The following SYT15 variants were observed in gnomAD, a reference collection of about 807,000 sequenced individuals.
The protein encoded by SYT15 is synaptotagmin-15.
SYT15 carries 4 observed loss-of-function variants against 30.1 expected under a neutral mutation model. The ratio of observed to expected loss-of-function variants is 0.13; its 90% CI spans 0.07 to 0.30. The LOEUF is 0.30. Ranked by LOEUF, SYT15 falls within the 10% of genes least tolerant of loss-of-function variation. SYT15 has a pLI of 1.00. For missense variants in SYT15, 49 were observed against 371.7 expected, an observed-to-expected ratio of 0.13 and a Z score of 7.14; for synonymous variants, 19 against 166.3, an observed-to-expected ratio of 0.11 and a Z score of 6.82.
At chr10:46,581,168 T>C (rs1200991204) in intron 3 of SYT15, 132 bp downstream of exon 3, 1 of 577,346 alleles carries the variant, frequency 1.7e-6, no homozygotes, top group Non-Finnish European at 2.9e-6. Flanking sequence ...GACCACTCTT[T>C]CTGGGTGCTT....
chr10:46,597,087 A>G (rs1304384746), downstream of SYT15, among the ~76,000 whole-genome samples: 1 of 142,190 alleles, frequency 7.0e-6, no homozygotes, highest in Non-Finnish European at 1.5e-5. Context: ...CAAGAATAAA[A>G]TAGTTTGCTG....
downstream of SYT15, among the ~76,000 whole-genome samples, chr10:46,595,740 C>T (rs560409630): frequency 4.6e-4 from 60 of 130,382 alleles, no homozygotes; most frequent in African/African-American, 1.8e-3. Flanking sequence ...GTGTGAGCCA[C>T]TGCGCTGGGC....
In SYT15 at chr10:46,590,581, A is replaced by T. The variant is rs1845367961; in HGVS notation, c.*2934A>T. 7.7e-6 allele frequency: 1 copy of T among 129,302 alleles called. No homozygotes were observed. The highest frequency in any genetic ancestry group is 3.1e-5 in the African/African-American group (1 of 32,112). 8.0% of individuals were successfully genotyped at this position (129,302 alleles called of 1,614,324 possible). The stretch of plus-strand genomic sequence containing the variant: ...CTAATAAGTTTGGCAAGGTTGCAAG[A>T]TATAAAATTGGTATACAAATTGCAG... On this transcript the variant is annotated 3_prime_UTR_variant, in exon 8 of 8. Transcript: ENST00000374321.
chr10:46,584,264 C>T (rs2133431814), intron 5 of SYT15, among the ~76,000 whole-genome samples: 1 of 151,920 alleles, frequency 6.6e-6, no homozygotes, highest in South Asian at 2.1e-4. Context: ...CCCCAGCTGG[C>T]TCAGACCTGG....
In SYT15 at chr10:46,590,712, A is replaced by G. The variant is rs1304617349; in HGVS notation, c.*3065A>G. The G allele has an allele frequency of 2.8e-5, 4 of 142,350 alleles. 1 individual carries two copies. Among genetic ancestry groups the G allele is most frequent in the African/African-American group, 1.1e-4 (4 of 36,964 alleles). 8.8% of individuals were successfully genotyped at this position (142,350 alleles called of 1,614,324 possible). A position where few individuals can be genotyped will look rare whatever the true frequency, so the allele number is the denominator to read the frequency against. On this transcript the variant is annotated 3_prime_UTR_variant, in exon 8 of 8. Coordinates refer to ENST00000374321, the MANE Select transcript of SYT15 (RefSeq NM_031912.5). Reference sequence around the variant, plus strand: ...GGGTGTGGCATGTGGAGAGTTGTCAATATTCACCATGAAGTTTGATGGTTG... The same window carrying G: ...GGGTGTGGCATGTGGAGAGTTGTCAGTATTCACCATGAAGTTTGATGGTTG...
intron 7 of SYT15, among the ~76,000 whole-genome samples, chr10:46,586,540 C>A (rs1240452006): frequency 9.2e-6 from 1 of 108,734 alleles, no homozygotes; most frequent in East Asian, 2.5e-4. Flanking sequence ...AGCGAGACTT[C>A]GTCTCAAAAA....
chr10:46,590,650 T>A lies in SYT15; in HGVS notation c.*3003T>A, dbSNP rs1845373473. The A allele has an allele frequency of 7.0e-6, 1 of 143,436 alleles. No individual in the cohort carries two copies. The highest frequency in any genetic ancestry group is 1.5e-5 in the Non-Finnish European group (1 of 65,822). The allele number at this position is 143,436 out of a possible 1,614,324, so 8.9% of individuals were successfully genotyped here. ...GAATGCTGACTATAAGTAGTGATAG[T>A]GGGTATTCTTGTCTCATCCTCAATC... On this transcript the variant is annotated 3_prime_UTR_variant, in exon 8 of 8. Transcript: ENST00000374321.
chr10:46,596,859 C>A (rs3120431), downstream of SYT15: 1,655 of 415,856 alleles, frequency 4.0e-3, 94 homozygotes, highest in African/African-American at 0.022. Flanking sequence ...AAAATGAAAT[C>A]GAAAGTTTAG....
chr10:46,596,778 C>T (rs138917182), downstream of SYT15: 84 of 425,522 alleles, frequency 2.0e-4, 4 homozygotes, highest in South Asian at 7.1e-4. Flanking sequence ...CACTGCTACC[C>T]GCCCAATGCC....
chr10:46,584,345 T>C (rs1373439222), intron 5 of SYT15, 150 bp from the exon 6 acceptor site: 1 of 1,092,122 alleles, frequency 9.2e-7, no homozygotes, highest in African/African-American at 1.7e-5. Flanking sequence ...AGTTGCCCCA[T>C]CCTTAAAATG....
At chr10:46,586,241 C>CAAA (rs375456623) in intron 7 of SYT15, among the ~76,000 whole-genome samples, 936 of 21,514 alleles carry the variant, frequency 0.044, 45 homozygotes, top group Non-Finnish European at 0.05. Flanking sequence ...CTGAATCTGT[C>CAAA]AAAAAAAAAA....
At chr10:46,593,164 CAGGA>C (rs1303316666), downstream of SYT15, 1 of 108,526 alleles carries the variant, frequency 9.2e-6, no homozygotes, top group Non-Finnish European at 1.8e-5. Context: ...AAGAAAATGA[CAGGA>C]GGGAGGCAGG....
chr10:46,581,264 A>AG (rs1844185305), intron 3 of SYT15, among the ~76,000 whole-genome samples: 1 of 137,448 alleles, frequency 7.3e-6, no homozygotes, highest in African/African-American at 2.9e-5. Context: ...CATGACTCTG[A>AG]GGGGGAGGAA....
downstream of SYT15, chr10:46,596,056 G>A (rs1845671206): frequency 6.8e-6 from 1 of 146,278 alleles, no homozygotes; most frequent in South Asian, 2.2e-4. Context: ...CCACAGGGAG[G>A]GGTGAAGAAT....
chr10:46,580,717 T>C (rs1297052653), intron 2 of SYT15, among the ~76,000 whole-genome samples, 177 bp from the exon 3 acceptor site: 2,025 of 128,964 alleles, frequency 0.016, 247 homozygotes, highest in African/African-American at 0.06. Context: ...TGTGTGTGTG[T>C]GCGTGTGTGT....
rs1188714120 is a variant in SYT15, at chr10:46,591,489, AG to A, written c.*3843del. Reference sequence around the variant, plus strand: ...ATAAGTAAATAAATAAATAAAATTTAGATTAATTTGCTGTTATATTTTTATA... The same window carrying A: ...ATAAGTAAATAAATAAATAAAATTTAATTAATTTGCTGTTATATTTTTATA... On this transcript the variant is annotated 3_prime_UTR_variant, in exon 8 of 8. Coordinates refer to ENST00000374321, the MANE Select transcript of SYT15 (RefSeq NM_031912.5). 1.8e-5 allele frequency: 2 copies of A among 109,606 alleles called. No individual in the cohort carries two copies. The highest frequency in any genetic ancestry group is 7.9e-5 in the African/African-American group (2 of 25,296). 6.8% of individuals were successfully genotyped at this position (109,606 alleles called of 1,614,324 possible).
At position 46,590,791 on chromosome 10, in the gene SYT15, T is replaced by C. The variant is rs1307675149; in HGVS notation, c.*3144T>C. The C allele has an allele frequency of 7.9e-6, 1 of 126,230 alleles. No individual in the cohort carries two copies. Among genetic ancestry groups the C allele is most frequent in the African/African-American group, 3.2e-5 (1 of 30,894 alleles). 7.8% of individuals were successfully genotyped at this position (126,230 alleles called of 1,614,324 possible). A position where few individuals can be genotyped will look rare whatever the true frequency, so the allele number is the denominator to read the frequency against. On this transcript the variant is annotated 3_prime_UTR_variant, in exon 8 of 8. Coordinates refer to ENST00000374321, the MANE Select transcript of SYT15 (RefSeq NM_031912.5). ...ATATATTCTCAAGCTGTTAAAAAGA[T>C]TTTTTTAATTACAAATAAGGTTAAA...
In SYT15 at chr10:46,586,584, C is replaced by T. The variant is rs1198114424; in HGVS notation, c.1123+807C>T. ...GAGGTTGGCTGGGTGCGGTGGCTCA[C>T]GCCTATAATCCTAGCACTTTGGGAG... is the stretch of plus-strand genomic sequence containing the variant. On this transcript the variant is annotated intron_variant, in intron 7 of 7. Coordinates refer to ENST00000374321, the MANE Select transcript of SYT15 (RefSeq NM_031912.5). Among the ~76,000 whole-genome samples the T allele has an allele frequency of 2.5e-4, 35 of 138,656 alleles. 5 individuals are homozygous for T. The highest frequency in any genetic ancestry group is 4.9e-4 in the Non-Finnish European group (32 of 64,718). The allele number at this position is 138,656 out of a possible 152,430, so 91.0% of individuals were successfully genotyped here.
chr10:46,580,719 CGTGTGTGT>C (rs10588658), intron 2 of SYT15, among the ~76,000 whole-genome samples, 167 bp from the exon 3 acceptor site: 5 of 66,062 alleles, frequency 7.6e-5, no homozygotes, highest in Admixed American at 1.4e-4. Context: ...TGTGTGTGTG[CGTGTGTGT>C]GTGTGTGTGT....
Sources: gnomAD v4.1 joint callset for allele counts (sites outside exome capture counted in the v4.1 genomes callset) on GRCh38, gnomAD v4.1.1 for gene constraint, MANE v1.5 for transcripts, NCBI Gene and HGNC (gene_info 2026-07-23, HGNC 2026-07-21) for gene names.